The following TAF5L variants were observed in gnomAD, a reference collection of about 807,000 sequenced individuals.
The protein encoded by TAF5L is TAF5-like RNA polymerase II p300/CBP-associated factor-associated factor 65 kDa subunit 5L.
Under a neutral mutation model 51.3 loss-of-function variants are expected in TAF5L, and 7 were observed. That is an observed-to-expected ratio of 0.14 (90% CI 0.08 to 0.26). TAF5L has a LOEUF of 0.26. Among genes scored for constraint, TAF5L ranks in the 10% least tolerant of loss-of-function variants. The pLI is 1.00. For missense variants in TAF5L, 575 were observed against 758.9 expected, an observed-to-expected ratio of 0.76 and a Z score of 2.85; for synonymous variants, 291 against 308.1, an observed-to-expected ratio of 0.94 and a Z score of 0.58.
At chr1:229,598,470 G>A (rs74387888) in intron 4 of TAF5L, among the ~76,000 whole-genome samples, 1,987 of 152,240 alleles carry the variant, frequency 0.013, 47 homozygotes, top group African/African-American at 0.046. Flanking sequence ...AAGAAGACCA[G>A]ATTGGGGGCA....
At chr1:229,623,198 C>T (rs537743734) in intron 1 of TAF5L, among the ~76,000 whole-genome samples, 2 of 152,310 alleles carry the variant, frequency 1.3e-5, no homozygotes, top group South Asian at 2.1e-4. Flanking sequence ...CGCTTGAACC[C>T]GGAAGGCGGA....
chr1:229,603,282 C>T (rs1664459012), intron 3 of TAF5L, among the ~76,000 whole-genome samples: 1 of 152,192 alleles, frequency 6.6e-6, no homozygotes, highest in Non-Finnish European at 1.5e-5. Flanking sequence ...TTGGGGACCT[C>T]AGATATCTGA....
chr1:229,617,149 C>G (rs1454985086), intron 1 of TAF5L, among the ~76,000 whole-genome samples: 1 of 152,196 alleles, frequency 6.6e-6, no homozygotes, highest in Non-Finnish European at 1.5e-5. Flanking sequence ...TGCTCCCATT[C>G]TCTGTGGCCA....
chr1:229,623,357 CA>C (rs1452134266), intron 1 of TAF5L, among the ~76,000 whole-genome samples: 1 of 152,244 alleles, frequency 6.6e-6, no homozygotes, highest in Non-Finnish European at 1.5e-5. Flanking sequence ...TCTACTGTGT[CA>C]TTTCCAGGTT....
intron 1 of TAF5L, among the ~76,000 whole-genome samples, chr1:229,618,604 G>A (rs1182867461): frequency 1.3e-5 from 2 of 152,168 alleles, no homozygotes; most frequent in East Asian, 3.8e-4. Context: ...ACTCTGCAGG[G>A]AAAACCACAG....
At chr1:229,599,101 G>T in intron 4 of TAF5L, 1 of 226,496 alleles carries the variant, frequency 4.4e-6, no homozygotes, top group Non-Finnish European at 7.3e-6. Context: ...TCATACCAAG[G>T]TAAAAAGCAA....
At chr1:229,594,000 G>C in exon 5 of TAF5L, 1 of 295,524 alleles carries the variant, frequency 3.4e-6, no homozygotes, top group Non-Finnish European at 6.5e-6. Context: ...GAAAATGAGA[G>C]ACAGGAAGGT....
Position 229,594,487 on chromosome 1 carries a change from G to A in TAF5L, c.1580C>T (p.Ser527Phe), listed in dbSNP as rs1418406275. 1 of 1,614,170 alleles carries A rather than the reference G, an allele frequency of 6.2e-7. No individual in the cohort carries two copies. Among genetic ancestry groups the A allele is most frequent in the East Asian group, 2.2e-5 (1 of 44,876 alleles). ...GCGCACCGAGTTGTCCATGGAGGCA[G>A]AGGCAATCAAGCCGCTGTCTGGACT... The change falls in exon 5 of 5, where the codon TCT (serine) becomes TTT (phenylalanine). Residue 527 changes from serine to phenylalanine, a missense_variant. Around this residue, in one of 3 missense-constraint regions of TAF5L, gnomAD observed 91 missense variants for 96.9 expected, o/e 0.94. Coordinates refer to ENST00000258281, the Ensembl canonical transcript of TAF5L. This position sits in a 1 kb window ranked among gnomAD's most constrained non-coding sequence, Gnocchi z 7.9.
chr1:229,606,776 G>A (rs1300092641), intron 3 of TAF5L: 101 of 985,292 alleles, frequency 1.0e-4, no homozygotes, highest in Non-Finnish European at 1.2e-4. Context: ...CAAATCCAGA[G>A]GTTGCTTGAC....
In TAF5L at chr1:229,608,641, TATG is replaced by T. The variant is rs371581182; in HGVS notation, c.247+1462_247+1464del. Among the ~76,000 whole-genome samples the T allele has an allele frequency of 2.3e-3, 346 of 152,300 alleles. 2 individuals are homozygous for T. Among genetic ancestry groups the T allele is most frequent in the Middle Eastern group, 6.8e-3 (2 of 294 alleles). ...AAGTTATTTTACTCAGTTAAAAAAA[TATG>T]ATATTAATCTCTCCATGACAGATTT... On this transcript the variant is annotated intron_variant, in intron 3 of 4. Transcript: ENST00000258281.
chr1:229,606,905 T>C, intron 3 of TAF5L: 3 of 985,444 alleles, frequency 3.0e-6, no homozygotes, highest in Non-Finnish European at 3.6e-6. Context: ...TTCAGGTGGA[T>C]ATAGACATAG....
chr1:229,612,912 T>C (rs1459194461), intron 2 of TAF5L, among the ~76,000 whole-genome samples: 1 of 152,168 alleles, frequency 6.6e-6, no homozygotes, highest in East Asian at 1.9e-4. Context: ...AGGGCTGAGC[T>C]GCAGAAATCA....
In TAF5L at chr1:229,594,477, C is replaced by T. The variant is rs746830398; in HGVS notation, c.1590G>A (p.Met530Ile). The change falls in exon 5 of 5, where the codon ATG becomes ATA. Residue 530 changes from methionine (M) to isoleucine (I), a missense_variant. By Grantham distance (10) the Met-to-Ile change is conservative (BLOSUM62 1). Coordinates refer to ENST00000258281, the Ensembl canonical transcript of TAF5L. The surrounding 1 kb of genome is among the most constrained non-coding windows in gnomAD (Gnocchi z 7.9). ...TGTCCCAGACGCGCACCGAGTTGTC[C>T]ATGGAGGCAGAGGCAATCAAGCCGC... 1 of 1,614,098 alleles carries T rather than the reference C, an allele frequency of 6.2e-7. No individual in the cohort carries two copies. The highest frequency in any genetic ancestry group is 8.5e-7 in the Non-Finnish European group (1 of 1,180,012).
chr1:229,594,036 A>G lies in TAF5L; in HGVS notation c.*261T>C. ...GCTCGCATGCGCGAGGTCACGGCAGAGTCTCCATGAGGACTTGTGAGTGAC... is the reference window on the plus strand; with the variant it reads ...GCTCGCATGCGCGAGGTCACGGCAGGGTCTCCATGAGGACTTGTGAGTGAC... On this transcript the variant is annotated 3_prime_UTR_variant, in exon 5 of 5. Coordinates refer to ENST00000258281, the Ensembl canonical transcript of TAF5L. This position sits in a 1 kb window ranked among gnomAD's most constrained non-coding sequence, Gnocchi z 7.9. 1 of 418,092 alleles carries G rather than the reference A, an allele frequency of 2.4e-6. No individual in the cohort carries two copies. Among genetic ancestry groups the G allele is most frequent in the South Asian group, 3.0e-5 (1 of 33,892 alleles). 25.9% of individuals were successfully genotyped at this position (418,092 alleles called of 1,614,324 possible).
chr1:229,606,170 C>T, intron 3 of TAF5L: 2 of 985,400 alleles, frequency 2.0e-6, no homozygotes, highest in Non-Finnish European at 2.4e-6. Flanking sequence ...TAATTGCTCT[C>T]TCTTGTCTGA....
rs1664034878 is a variant in TAF5L, at chr1:229,594,351, C to T, written c.1716G>A (p.Met572Ile). 6.2e-7 allele frequency: 1 copy of T among 1,614,010 alleles called. No homozygotes were observed. Among genetic ancestry groups the T allele is most frequent in the East Asian group, 2.2e-5 (1 of 44,884 alleles). The change falls in exon 5 of 5, where the codon ATG becomes ATA. Residue 572 changes from methionine to isoleucine, a missense_variant. Around this residue, in one of 3 missense-constraint regions of TAF5L, gnomAD observed 91 missense variants for 96.9 expected, o/e 0.94. Coordinates refer to ENST00000258281, the Ensembl canonical transcript of TAF5L. This position sits in a 1 kb window ranked among gnomAD's most constrained non-coding sequence, Gnocchi z 7.9. ...CAGTCACCAGAAGAAGGTTACAGGCCATGAACTGCACGCTCAGGACGTTGC... is the reference window on the plus strand; with the variant it reads ...CAGTCACCAGAAGAAGGTTACAGGCTATGAACTGCACGCTCAGGACGTTGC...
intron 2 of TAF5L, among the ~76,000 whole-genome samples, chr1:229,611,097 C>T (rs1160541437): frequency 1.3e-5 from 2 of 151,986 alleles, no homozygotes; most frequent in South Asian, 2.1e-4. Context: ...ACTGTCTTTT[C>T]GTCTTTCTTC....
In TAF5L at chr1:229,625,104, C is replaced by A. The variant is rs932819112; in HGVS notation, c.-4+781G>T. Among the ~76,000 whole-genome samples the A allele has an allele frequency of 6.6e-6, 1 of 152,236 alleles. No homozygotes were observed. Among genetic ancestry groups the A allele is most frequent in the Non-Finnish European group, 1.5e-5 (1 of 68,042 alleles). On this transcript the variant is annotated intron_variant, in intron 1 of 4. Transcript: ENST00000258281. This position sits in a 1 kb window ranked among gnomAD's most constrained non-coding sequence, Gnocchi z 4.0. Reference sequence around the variant, plus strand: ...GACTGCGAGATCCGCATTACAACGACTTTCACAACTGATGGGAGAACTGCA... The same window carrying A: ...GACTGCGAGATCCGCATTACAACGAATTTCACAACTGATGGGAGAACTGCA...
chr1:229,620,213 T>C (rs1342827295), intron 1 of TAF5L, among the ~76,000 whole-genome samples: 3 of 152,194 alleles, frequency 2.0e-5, no homozygotes, highest in African/African-American at 4.8e-5. Context: ...TGTTTGCTAT[T>C]TGACAGCACA....
Sources: allele counts gnomAD v4.1 joint callset (sites outside exome capture counted in the v4.1 genomes callset), GRCh38; gene constraint gnomAD v4.1.1; regional missense constraint gnomAD v4.1.1; non-coding constraint Gnocchi (gnomAD v3.1); transcripts MANE v1.5; gene names NCBI Gene and HGNC (gene_info 2026-07-23, HGNC 2026-07-21).